Variants in ZNF33B observed in about 807,000 individuals in gnomAD.
The protein encoded by ZNF33B is zinc finger protein 33B.
Under a neutral mutation model 45.8 loss-of-function variants are expected in ZNF33B, and 29 were observed. The observed-to-expected ratio is 0.63, with a 90% CI of 0.47 to 0.86. The LOEUF is 0.86. ZNF33B is among the 40% of genes least tolerant of loss of function. The probability of loss-of-function intolerance (pLI) is 0.00; values close to 1 mark genes in which losing one functional copy is unlikely to be tolerated. For missense variants in ZNF33B, 831 were observed against 909.9 expected, an observed-to-expected ratio of 0.91 and a Z score of 1.12; for synonymous variants, 305 against 307.8, an observed-to-expected ratio of 0.99 and a Z score of 0.10.
chr10:42,584,992 G>T (rs545842231), downstream of ZNF33B, among the ~76,000 whole-genome samples: 28 of 152,320 alleles, frequency 1.8e-4, no homozygotes, highest in Admixed American at 1.6e-3. Context: ...GAGGGAGAAG[G>T]AGTCTTTCTC....
intron 4 of ZNF33B, among the ~76,000 whole-genome samples, chr10:42,624,123 T>G (rs1443128334): frequency 6.6e-6 from 1 of 152,152 alleles, no homozygotes; most frequent in Non-Finnish European, 1.5e-5. Flanking sequence ...TCTACGCACA[T>G]GGAGAGTGAG....
Position 42,590,674 on chromosome 10 carries a change from T to C in ZNF33B, c.*1939A>G, listed in dbSNP as rs1457552210. 2 of 152,230 alleles carry C rather than the reference T, an allele frequency of 1.3e-5. No individual in the cohort carries two copies. The highest frequency in any genetic ancestry group is 2.9e-5 in the Non-Finnish European group (2 of 68,046). The allele number at this position is 152,230 out of a possible 1,614,324, so 9.4% of individuals were successfully genotyped here. ...TTATGAGCTTTGAGAGAATGCATCT[T>C]GCAAGGAATTGATCCATTTTAGCTA... On this transcript the variant is annotated 3_prime_UTR_variant, in exon 5 of 5. Coordinates refer to ENST00000359467, the MANE Select transcript of ZNF33B (RefSeq NM_006955.3).
chr10:42,588,431 G>T (rs1392902910), downstream of ZNF33B, among the ~76,000 whole-genome samples: 1 of 152,212 alleles, frequency 6.6e-6, no homozygotes, highest in Non-Finnish European at 1.5e-5. Context: ...GTTAAAATTG[G>T]ACTAGACGAC....
intron 4 of ZNF33B, among the ~76,000 whole-genome samples, chr10:42,604,197 T>G (rs766910509): frequency 3.3e-5 from 5 of 151,270 alleles, no homozygotes; most frequent in Non-Finnish European, 7.4e-5. Flanking sequence ...GTAATCCCAA[T>G]ACTTTGGGAG....
chr10:42,630,456 G>A (rs1839000560), intron 4 of ZNF33B, among the ~76,000 whole-genome samples: 1 of 152,130 alleles, frequency 6.6e-6, no homozygotes, highest in African/African-American at 2.4e-5. Context: ...CTTATTGGAT[G>A]TTACTTCAGA....
At chr10:42,616,514 A>G (rs1347699131) in intron 4 of ZNF33B, among the ~76,000 whole-genome samples, 2 of 152,158 alleles carry the variant, frequency 1.3e-5, no homozygotes, top group Non-Finnish European at 2.9e-5. Context: ...AATCGTCTGC[A>G]CACAAAATGA....
intron 4 of ZNF33B, among the ~76,000 whole-genome samples, chr10:42,602,100 C>G (rs1357169761): frequency 6.6e-6 from 1 of 151,288 alleles, no homozygotes; most frequent in Non-Finnish European, 1.5e-5. Context: ...TTTGTTGTTT[C>G]ATTTTTGGTA....
chr10:42,604,857 GT>G, intron 4 of ZNF33B, among the ~76,000 whole-genome samples: 1 of 151,948 alleles, frequency 6.6e-6, no homozygotes, highest in East Asian at 1.9e-4. Context: ...TGAGGCAGAG[GT>G]TGCAGCGAGA....
intron 1 of ZNF33B, among the ~76,000 whole-genome samples, chr10:42,580,071 A>G (rs1371547496): frequency 3.3e-5 from 5 of 152,196 alleles, no homozygotes; most frequent in African/African-American, 9.6e-5. Context: ...AAATTAAATC[A>G]TATTTGCATG....
chr10:42,636,889 A>G, intron 2 of ZNF33B, 31 bp downstream of exon 2: 1 of 1,614,134 alleles, frequency 6.2e-7, no homozygotes, highest in Non-Finnish European at 8.5e-7. Flanking sequence ...GTCCACCGCA[A>G]AATAAAGTAG....
In ZNF33B at chr10:42,628,002, T is replaced by G. The variant is rs530198691; in HGVS notation, c.250+3927A>C. On this transcript the variant is annotated intron_variant, in intron 4 of 4. Transcript: ENST00000359467. ...ACTTGAGAAAAAAATTGTATTTTGCTGTTGTTGGGCACTATTCTTTTTCCT... is the reference window on the plus strand; with the variant it reads ...ACTTGAGAAAAAAATTGTATTTTGCGGTTGTTGGGCACTATTCTTTTTCCT... 7.9e-5 allele frequency among the ~76,000 whole-genome samples: 12 copies of G among 152,268 alleles called. No individual in the cohort carries two copies. The East Asian group carries it at 2.3e-3, about 29-fold the overall frequency.
chr10:42,588,014 C>T (rs550390002), downstream of ZNF33B, among the ~76,000 whole-genome samples: 1 of 152,274 alleles, frequency 6.6e-6, no homozygotes, highest in African/African-American at 2.4e-5. Flanking sequence ...TCACAATAGG[C>T]CATCTGCATG....
intron 4 of ZNF33B, among the ~76,000 whole-genome samples, chr10:42,617,649 G>A (rs1309109151): frequency 6.6e-6 from 1 of 152,020 alleles, no homozygotes; most frequent in Admixed American, 6.6e-5. Flanking sequence ...CAACACTGGG[G>A]ATACAGAACA....
chr10:42,625,978 A>G (rs971031946), intron 4 of ZNF33B, among the ~76,000 whole-genome samples: 3 of 152,242 alleles, frequency 2.0e-5, no homozygotes, highest in African/African-American at 7.2e-5. Context: ...TTTACAGAGA[A>G]AACATTTCAT....
At chr10:42,580,173 T>C (rs1421740270) in intron 1 of ZNF33B, among the ~76,000 whole-genome samples, 1 of 152,120 alleles carries the variant, frequency 6.6e-6, no homozygotes, top group Non-Finnish European at 1.5e-5. Flanking sequence ...AGATAATAGG[T>C]AATATTGAGG....
At chr10:42,612,152 G>A (rs1445086960) in intron 4 of ZNF33B, among the ~76,000 whole-genome samples, 1 of 151,402 alleles carries the variant, frequency 6.6e-6, no homozygotes, top group Non-Finnish European at 1.5e-5. Context: ...TCATGAATGG[G>A]TGTTGAATGC....
chr10:42,609,963 A>C (rs1838032689), intron 4 of ZNF33B, among the ~76,000 whole-genome samples: 1 of 152,172 alleles, frequency 6.6e-6, no homozygotes. Context: ...CATACTAAAT[A>C]ATGAAAGGTA....
In ZNF33B at chr10:42,593,480, A is replaced by G; in HGVS notation, c.1470T>C (p.Thr490=). 6.2e-7 allele frequency: 1 copy of G among 1,613,626 alleles called. No homozygotes were observed. Residue 490 remains threonine (T), a synonymous_variant, in exon 5 of 5, where the codon ACT becomes ACC. Coordinates refer to ENST00000359467, the MANE Select transcript of ZNF33B (RefSeq NM_006955.3). ...QKSHLTQHQR[T]HIGDKPYECN... Reference sequence around the variant, plus strand: ...ATTCATAAGGTTTATCTCCTATGTGAGTTCTCTGATGCTGTGTAAGATGTG... The same window carrying G: ...ATTCATAAGGTTTATCTCCTATGTGGGTTCTCTGATGCTGTGTAAGATGTG...
chr10:42,584,984 G>A (rs1322842626), downstream of ZNF33B, among the ~76,000 whole-genome samples: 4 of 152,202 alleles, frequency 2.6e-5, no homozygotes, highest in Non-Finnish European at 5.9e-5. Context: ...GGGTTTAGGA[G>A]GGAGAAGGAG....
Sources: allele counts gnomAD v4.1 joint callset (sites outside exome capture counted in the v4.1 genomes callset), GRCh38; gene constraint gnomAD v4.1.1; transcripts MANE v1.5; gene names NCBI Gene and HGNC (gene_info 2026-07-23, HGNC 2026-07-21).